Variants in VPS13B observed in about 807,000 individuals in gnomAD.
VPS13B encodes vacuolar protein sorting 13 homolog B.
VPS13B carries 285 observed loss-of-function variants against 426.4 expected under a neutral mutation model. The ratio of observed to expected loss-of-function variants is 0.67; its 90% CI spans 0.61 to 0.74. VPS13B has a LOEUF of 0.74. VPS13B is among the 30% of genes least tolerant of loss of function. The pLI is 0.00. For missense variants in VPS13B, 4,537 were observed against 4,782.6 expected (o/e 0.95, Z 1.51); for synonymous variants, 1,676 against 1,676.4 (o/e 1.00, Z 0.01).
intron 41 of VPS13B, among the ~76,000 whole-genome samples, chr8:99,778,231 CAAAA>C (rs377457529): frequency 3.2e-5 from 3 of 94,500 alleles, no homozygotes; most frequent in Admixed American, 1.1e-4. Flanking sequence ...GACTCCATCT[CAAAA>C]AAAAAAAAAA....
intron 44 of VPS13B, among the ~76,000 whole-genome samples, chr8:99,814,365 G>A (rs768545966): frequency 3.9e-5 from 6 of 152,126 alleles, no homozygotes; most frequent in East Asian, 1.9e-4. Context: ...TTCACATAAC[G>A]AGGAGGAAGA....
chr8:99,685,631 A>G (rs989837493), intron 35 of VPS13B, among the ~76,000 whole-genome samples: 2 of 152,160 alleles, frequency 1.3e-5, no homozygotes, highest in Non-Finnish European at 2.9e-5. Context: ...TGCTGTTAAG[A>G]GACTCTGATG....
At chr8:99,540,371 C>T (rs1313159985) in intron 30 of VPS13B, among the ~76,000 whole-genome samples, 4 of 151,744 alleles carry the variant, frequency 2.6e-5, no homozygotes, top group Admixed American at 1.3e-4. Flanking sequence ...TGAGCTACTG[C>T]GCCCGGCCTA....
intron 19 of VPS13B, among the ~76,000 whole-genome samples, chr8:99,299,344 G>T (rs1047074339): frequency 1.3e-5 from 2 of 151,726 alleles, no homozygotes; most frequent in Non-Finnish European, 2.9e-5. Flanking sequence ...TTACAGGTGT[G>T]AGCCACTGTA....
At chr8:99,773,798 G>A (rs1811622798) in intron 40 of VPS13B, among the ~76,000 whole-genome samples, 1 of 152,138 alleles carries the variant, frequency 6.6e-6, no homozygotes, top group Non-Finnish European at 1.5e-5. Flanking sequence ...AATTTGACCT[G>A]TTTTGAAAGT....
chr8:99,048,806 C>T (rs7817200), intron 3 of VPS13B, among the ~76,000 whole-genome samples: 111,579 of 150,508 alleles, frequency 0.74, 42,002 homozygotes, highest in South Asian at 0.87. Context: ...CAGAGCAAAA[C>T]TCTGTCTCAA....
chr8:99,147,363 C>G (rs2132595074), intron 13 of VPS13B, among the ~76,000 whole-genome samples: 1 of 152,144 alleles, frequency 6.6e-6, no homozygotes, highest in African/African-American at 2.4e-5. Context: ...CTACCTGCCT[C>G]AGCCTCCCAA....
At chr8:99,292,775 G>T (rs963868250) in intron 19 of VPS13B, among the ~76,000 whole-genome samples, 1 of 151,832 alleles carries the variant, frequency 6.6e-6, no homozygotes, top group Admixed American at 6.6e-5. Context: ...GCAGTTCTTG[G>T]GTAAATTTTA....
intron 39 of VPS13B, among the ~76,000 whole-genome samples, chr8:99,765,862 C>T (rs1811191197): frequency 6.6e-6 from 1 of 152,064 alleles, no homozygotes; most frequent in Admixed American, 6.5e-5. Flanking sequence ...CAAAAGTCTA[C>T]CCTATTATAA....
In VPS13B at chr8:99,871,721, C is replaced by T. The variant is rs528179468; in HGVS notation, c.11745+24C>T. On this transcript the variant is annotated intron_variant, in intron 61 of 61. Transcript: ENST00000357162. ...AGGTACGTTTCAGAAAACAGGGCAA[C>T]CAAGACTAGCTGGCCAGGGAGGTTG... The T allele has an allele frequency of 6.8e-6, 11 of 1,612,408 alleles. No individual in the cohort carries two copies. In the African/African-American group the frequency reaches 1.2e-4, roughly 18 times the overall value.
chr8:99,071,450 T>G (rs1245829977), intron 3 of VPS13B, among the ~76,000 whole-genome samples: 1 of 152,204 alleles, frequency 6.6e-6, no homozygotes, highest in African/African-American at 2.4e-5. Flanking sequence ...CATGCTGAAC[T>G]GCTTCAGGCG....
intron 31 of VPS13B, among the ~76,000 whole-genome samples, chr8:99,574,995 C>G (rs1231464071): frequency 1.3e-5 from 2 of 151,992 alleles, no homozygotes; most frequent in Admixed American, 1.3e-4. Flanking sequence ...GAGACTCTGT[C>G]TCTAGAAAAA....
chr8:99,655,486 C>T (rs1829988819), intron 34 of VPS13B, among the ~76,000 whole-genome samples: 1 of 152,138 alleles, frequency 6.6e-6, no homozygotes, highest in Non-Finnish European at 1.5e-5. Context: ...GTGGTAGGTG[C>T]TGCTATTTCG....
chr8:99,637,385 A>G (rs1357602681), intron 33 of VPS13B, among the ~76,000 whole-genome samples: 1 of 152,010 alleles, frequency 6.6e-6, no homozygotes, highest in Admixed American at 6.6e-5. Context: ...CTGGCTTTTA[A>G]CCCAGTTTTA....
chr8:99,761,677 T>A (rs1322105745), intron 39 of VPS13B, among the ~76,000 whole-genome samples: 1 of 152,224 alleles, frequency 6.6e-6, no homozygotes, highest in African/African-American at 2.4e-5. Context: ...CCAAAAAGAT[T>A]ACATTGAACT....
chr8:99,049,518 CT>C (rs974686130), intron 3 of VPS13B, among the ~76,000 whole-genome samples: 1 of 151,660 alleles, frequency 6.6e-6, no homozygotes, highest in African/African-American at 2.4e-5. Flanking sequence ...AGGGTTTCTG[CT>C]GAGAAATCAG....
intron 39 of VPS13B, among the ~76,000 whole-genome samples, chr8:99,749,197 A>G (rs1190955642): frequency 1.3e-5 from 2 of 152,034 alleles, no homozygotes; most frequent in Admixed American, 6.6e-5. Context: ...GGTAAATGCA[A>G]TAACCATCAC....
At chr8:99,761,732 T>C (rs1445727052) in intron 39 of VPS13B, among the ~76,000 whole-genome samples, 2 of 152,252 alleles carry the variant, frequency 1.3e-5, no homozygotes, top group South Asian at 2.1e-4. Context: ...GGTATATTAA[T>C]ATGCTTTTTC....
At chr8:99,190,957 A>G (rs1455285899) in intron 16 of VPS13B, among the ~76,000 whole-genome samples, 1 of 151,812 alleles carries the variant, frequency 6.6e-6, no homozygotes, top group African/African-American at 2.4e-5. Flanking sequence ...TTTCTTTAAC[A>G]TTTTTTGTAG....
Sources: allele counts gnomAD v4.1 joint callset (sites outside exome capture counted in the v4.1 genomes callset), GRCh38; gene constraint gnomAD v4.1.1; transcripts MANE v1.5; gene names NCBI Gene and HGNC (gene_info 2026-07-23, HGNC 2026-07-21).